MICAL2: variants seen among roughly 807,000 people sequenced by gnomAD.
MICAL2 encodes the protein microtubule associated monooxygenase, calponin and LIM domain containing 2.
A neutral mutation model predicts 127.3 loss-of-function variants in MICAL2; 77 were observed. The observed-to-expected ratio is 0.60, with a 90% confidence interval of 0.50 to 0.73. MICAL2 has a LOEUF of 0.73. Among genes scored for constraint, MICAL2 ranks in the 30% least tolerant of loss-of-function variants. The pLI, the probability that MICAL2 is intolerant of heterozygous loss-of-function variation, is 0.00. For synonymous variants in MICAL2, 570 were observed against 551.1 expected, an observed-to-expected ratio of 1.03 and a Z score of -0.48; for missense variants, 1,351 against 1,434.4, an observed-to-expected ratio of 0.94 and a Z score of 0.94.
intron 2 of MICAL2, among the ~76,000 whole-genome samples, chr11:12,157,855 T>C (rs2133774767): frequency 1.3e-5 from 2 of 152,318 alleles, no homozygotes; most frequent in South Asian, 4.1e-4. Context: ...CCCAGCACTG[T>C]CCTGAATTCT....
At chr11:12,197,979 C>G (rs965100609) in intron 3 of MICAL2, among the ~76,000 whole-genome samples, 3 of 152,140 alleles carry the variant, frequency 2.0e-5, no homozygotes, top group African/African-American at 7.2e-5. Context: ...AATTGTTACT[C>G]AGGAATAACT....
chr11:12,320,064 G>A (rs1399467861), intron 30 of MICAL2, among the ~76,000 whole-genome samples: 1 of 152,104 alleles, frequency 6.6e-6, no homozygotes, highest in Non-Finnish European at 1.5e-5. Context: ...GAAACCATTT[G>A]GTGATGGCAG....
In MICAL2 at chr11:12,313,961, A is replaced by ATTTTTTTTTT. The variant is rs60681621; in HGVS notation, c.5213-5722_5213-5713dup. Among the ~76,000 whole-genome samples, 34 of 43,776 alleles carry ATTTTTTTTTT rather than the reference A, an allele frequency of 7.8e-4. 1 individual carries two copies. The highest frequency in any genetic ancestry group is 2.2e-3 in the African/African-American group (24 of 10,756). 28.7% of individuals were successfully genotyped at this position (43,776 alleles called of 152,430 possible). ...TTTCTGGCCTTAATGTCTTGGTCTGATTTTTTTTTTTTTTTTTTTTTTGAT... is the reference window on the plus strand; with the variant it reads ...TTTCTGGCCTTAATGTCTTGGTCTGATTTTTTTTTTTTTTTTTTTTTTTTTTTTTTTTGAT... On this transcript the variant is annotated intron_variant, in intron 29 of 34. Coordinates refer to the MICAL2 transcript ENST00000646065.
chr11:12,259,500 A>G (rs1447165319), intron 25 of MICAL2, among the ~76,000 whole-genome samples: 4 of 152,182 alleles, frequency 2.6e-5, no homozygotes, highest in Admixed American at 2.6e-4. Context: ...AGTGTATGCT[A>G]GTATGCATGT....
chr11:12,176,783 T>A (rs1412772210), intron 3 of MICAL2, among the ~76,000 whole-genome samples: 1 of 152,234 alleles, frequency 6.6e-6, no homozygotes, highest in Non-Finnish European at 1.5e-5. Flanking sequence ...TCAAGGTTCA[T>A]CCATGTCGTA....
chr11:12,146,976 T>A (rs1017746479), intron 2 of MICAL2, among the ~76,000 whole-genome samples: 1 of 151,766 alleles, frequency 6.6e-6, no homozygotes, highest in African/African-American at 2.4e-5. Context: ...AACCAAACAC[T>A]GCATGTTCTC....
chr11:12,243,114 C>A, intron 20 of MICAL2: 1 of 181,064 alleles, frequency 5.5e-6, no homozygotes, highest in South Asian at 1.3e-4. Flanking sequence ...AGGAAACAGT[C>A]ATCAGTTGCA....
At chr11:12,332,334 G>A (rs1938657756) in intron 32 of MICAL2, among the ~76,000 whole-genome samples, 1 of 152,234 alleles carries the variant, frequency 6.6e-6, no homozygotes, top group South Asian at 2.1e-4. Flanking sequence ...GAAGGGTTGA[G>A]ATCTTCTGTG....
intron 3 of MICAL2, among the ~76,000 whole-genome samples, chr11:12,167,279 G>T (rs187735325): frequency 6.6e-6 from 1 of 152,108 alleles, no homozygotes; most frequent in Non-Finnish European, 1.5e-5. Context: ...AAACTCTTGC[G>T]TTATCTTTTT....
At chr11:12,138,043 T>C (rs1471950436) in intron 1 of MICAL2, among the ~76,000 whole-genome samples, 3 of 152,238 alleles carry the variant, frequency 2.0e-5, no homozygotes, top group Non-Finnish European at 1.5e-5. Context: ...TGTCTCACAC[T>C]TAAAAATTCT....
intron 26 of MICAL2, chr11:12,260,846 T>C (rs1292684671): frequency 1.0e-6 from 1 of 985,324 alleles, no homozygotes; most frequent in African/African-American, 1.7e-5. Flanking sequence ...TTCCCCCCCA[T>C]ACCAACTCAC....
chr11:12,288,178 T>G (rs892478795), downstream of MICAL2, among the ~76,000 whole-genome samples: 1 of 152,150 alleles, frequency 6.6e-6, no homozygotes, highest in Non-Finnish European at 1.5e-5. Context: ...CAGCCTAGAG[T>G]CACTCCTGAA....
At chr11:12,214,401 T>C (rs565291496) in intron 7 of MICAL2, among the ~76,000 whole-genome samples, 4 of 152,340 alleles carry the variant, frequency 2.6e-5, no homozygotes, top group African/African-American at 4.8e-5. Flanking sequence ...TTGCTTGTTA[T>C]GTGACTGTAG....
At chr11:12,286,921 G>A (rs1178154663) in intron 2 of MICAL2, 1 of 388,180 alleles carries the variant, frequency 2.6e-6, no homozygotes, top group Non-Finnish European at 4.5e-6. Context: ...AGTGTGTTGT[G>A]GGGACAGCAG....
At chr11:12,150,935 T>C (rs1853509059) in intron 2 of MICAL2, among the ~76,000 whole-genome samples, 1 of 152,150 alleles carries the variant, frequency 6.6e-6, no homozygotes, top group Non-Finnish European at 1.5e-5. Flanking sequence ...CCCACGCAGC[T>C]TCCCGGGAAC....
chr11:12,237,272 C>A (rs964517), intron 16 of MICAL2, among the ~76,000 whole-genome samples: 3 of 152,022 alleles, frequency 2.0e-5, no homozygotes, highest in African/African-American at 4.8e-5. Context: ...TTCAAAACAC[C>A]CTGGGTTGAA....
At chr11:12,346,212 C>T (rs1938951494) in intron 32 of MICAL2, among the ~76,000 whole-genome samples, 1 of 152,200 alleles carries the variant, frequency 6.6e-6, no homozygotes, top group Non-Finnish European at 1.5e-5. Context: ...AATTCCTGCA[C>T]TGGCTCATGG....
At chr11:12,147,476 T>C (rs16910637) in intron 2 of MICAL2, among the ~76,000 whole-genome samples, 1,527 of 152,324 alleles carry the variant, frequency 0.01, 23 homozygotes, top group African/African-American at 0.035. Context: ...GAACCTTAAA[T>C]ATTGATTACC....
intron 3 of MICAL2, among the ~76,000 whole-genome samples, chr11:12,173,546 A>C (rs368327330): frequency 6.6e-6 from 1 of 152,218 alleles, no homozygotes; most frequent in Admixed American, 6.5e-5. Context: ...AAATATGTTT[A>C]ACAAATTTGT....
Sources: allele counts gnomAD v4.1 joint callset (sites outside exome capture counted in the v4.1 genomes callset), GRCh38; gene constraint gnomAD v4.1.1; transcripts MANE v1.5; gene names NCBI Gene and HGNC (gene_info 2026-07-23, HGNC 2026-07-21).